The following SLX4IP variants were observed in gnomAD, a reference collection of about 807,000 sequenced individuals.
SLX4IP encodes the protein protein SLX4IP.
In SLX4IP, 34 loss-of-function variants were observed where a neutral mutation model predicts 32.9. That is an observed-to-expected ratio of 1.03 (90% CI 0.79 to 1.38). The LOEUF (loss-of-function observed/expected upper bound fraction) is 1.38, where lower values mean the gene tolerates loss of function less well. Ranked by LOEUF, SLX4IP falls within the 40% of genes most tolerant of loss-of-function variation. The pLI is 0.00. For missense variants in SLX4IP, 444 were observed against 479.0 expected (o/e 0.93, Z 0.68); for synonymous variants, 172 against 171.7 (o/e 1.00, Z -0.01).
chr20:10,446,411 CAAAAAAA>C (rs36181096), intron 1 of SLX4IP, among the ~76,000 whole-genome samples: 198 of 112,412 alleles, frequency 1.8e-3, no homozygotes, highest in African/African-American at 7.2e-3. Flanking sequence ...GACTCTGTCT[CAAAAAAA>C]AAAAAAAAAA....
chr20:10,621,241 T>C, intron 6 of SLX4IP, 73 bp from the exon 7 acceptor site: 1 of 1,319,852 alleles, frequency 7.6e-7, no homozygotes. Flanking sequence ...ATTGGGGCAT[T>C]CAGAGTGTAA....
chr20:10,623,251 T>A lies in SLX4IP; in HGVS notation c.1099T>A (p.Ser367Thr). The A allele has an allele frequency of 6.2e-7, 1 of 1,614,168 alleles. No individual in the cohort carries two copies. Among genetic ancestry groups the A allele is most frequent in the South Asian group, 1.1e-5 (1 of 91,080 alleles). ...EELHVLESLS[S>T]RHLMKNNPGQ... ...GTTGCATGTTTTGGAAAGTCTCTCC[T>A]CCAGACATCTTATGAAAAATAACCC... The change falls in exon 8 of 8, where the codon TCC becomes ACC. Residue 367 changes from serine to threonine, a missense_variant. Coordinates refer to ENST00000334534, the MANE Select transcript of SLX4IP (RefSeq NM_001009608.3).
intron 2 of SLX4IP, among the ~76,000 whole-genome samples, chr20:10,549,754 A>G (rs1184995701): frequency 2.6e-5 from 4 of 152,182 alleles, no homozygotes; most frequent in Non-Finnish European, 5.9e-5. Flanking sequence ...AATGCAAATA[A>G]TCATTGTGCT....
At chr20:10,574,979 CT>C (rs1027143880) in intron 4 of SLX4IP, among the ~76,000 whole-genome samples, 1 of 151,824 alleles carries the variant, frequency 6.6e-6, no homozygotes, top group Non-Finnish European at 1.5e-5. Context: ...GACCGCAAGA[CT>C]TTTTTTTAAT....
chr20:10,523,673 G>A (rs1318358196), intron 2 of SLX4IP, among the ~76,000 whole-genome samples: 1 of 152,226 alleles, frequency 6.6e-6, no homozygotes, highest in African/African-American at 2.4e-5. Context: ...AACACCCAGT[G>A]CTGATTTAAT....
At chr20:10,450,678 C>A (rs2065233840) in intron 1 of SLX4IP, among the ~76,000 whole-genome samples, 1 of 152,164 alleles carries the variant, frequency 6.6e-6, no homozygotes, top group African/African-American at 2.4e-5. Flanking sequence ...AAATTAAAAC[C>A]AAAGGGTACC....
At chr20:10,591,231 C>T (rs1011703234) in intron 4 of SLX4IP, among the ~76,000 whole-genome samples, 1 of 152,222 alleles carries the variant, frequency 6.6e-6, no homozygotes, top group Admixed American at 6.5e-5. Context: ...CATCTTCTCA[C>T]TCAGCATTTT....
intron 6 of SLX4IP, among the ~76,000 whole-genome samples, chr20:10,608,922 C>T (rs1471727773): frequency 3.9e-5 from 6 of 152,016 alleles, no homozygotes; most frequent in South Asian, 4.2e-4. Context: ...CTCCACTTGC[C>T]AGCTCAACTT....
At chr20:10,613,784 C>T (rs2066995083) in intron 6 of SLX4IP, 104 of 1,613,572 alleles carry the variant, frequency 6.4e-5, no homozygotes, top group South Asian at 8.8e-5. Flanking sequence ...GCACAGACTC[C>T]ATGATCTGAT....
Position 10,478,191 on chromosome 20 carries a change from G to T in SLX4IP, c.27+19960G>T, listed in dbSNP as rs555276158. 3.3e-5 allele frequency among the ~76,000 whole-genome samples: 5 copies of T among 152,254 alleles called. No homozygotes were observed. In the East Asian group the frequency reaches 9.6e-4, roughly 29 times the overall value. Reference sequence around the variant, plus strand: ...TCGGATTACAGGTGTGAGCCACCGCGCCCGGCCAAGCTCTCTTTTAAAAGC... The same window carrying T: ...TCGGATTACAGGTGTGAGCCACCGCTCCCGGCCAAGCTCTCTTTTAAAAGC... On this transcript the variant is annotated intron_variant, in intron 2 of 7. Transcript: ENST00000334534.
At chr20:10,558,767 GTTC>G (rs1170984515) in intron 3 of SLX4IP, among the ~76,000 whole-genome samples, 4 of 152,114 alleles carry the variant, frequency 2.6e-5, no homozygotes, top group African/African-American at 9.7e-5. Context: ...ATTTTAACTT[GTTC>G]TTCTTATCTG....
At chr20:10,613,640 A>C (rs2066993428) in intron 6 of SLX4IP, 1 of 1,613,908 alleles carries the variant, frequency 6.2e-7, no homozygotes, top group Non-Finnish European at 8.5e-7. Context: ...CCTCTTCCTG[A>C]GCCCTCCTTT....
intron 4 of SLX4IP, among the ~76,000 whole-genome samples, chr20:10,575,526 C>T (rs2066514214): frequency 6.6e-6 from 1 of 151,990 alleles, no homozygotes; most frequent in African/African-American, 2.4e-5. Context: ...TAATAATAAT[C>T]AGGAAAGCTC....
chr20:10,469,231 C>T (rs2065404482), intron 2 of SLX4IP, among the ~76,000 whole-genome samples: 1 of 152,146 alleles, frequency 6.6e-6, no homozygotes, highest in African/African-American at 2.4e-5. Context: ...AGGGAAGTCA[C>T]TCCAGCTTTG....
In SLX4IP at chr20:10,567,480, A is replaced by G. The variant is rs951935587; in HGVS notation, c.238+6660A>G. On this transcript the variant is annotated intron_variant, in intron 4 of 7. Coordinates refer to ENST00000334534, the MANE Select transcript of SLX4IP (RefSeq NM_001009608.3). ...CAGTGTTCAAGGCACCATCTTGGAA[A>G]CAGAGATCAGACTCTCGCCAGACCT... Among the ~76,000 whole-genome samples, 4 of 152,114 alleles carry G rather than the reference A, an allele frequency of 2.6e-5. No individual in the cohort carries two copies. In the East Asian group the frequency reaches 7.7e-4, roughly 29 times the overall value.
chr20:10,580,824 T>C (rs1255724530), intron 4 of SLX4IP, among the ~76,000 whole-genome samples: 1 of 152,126 alleles, frequency 6.6e-6, no homozygotes, highest in Non-Finnish European at 1.5e-5. Flanking sequence ...TTTTCAAGAT[T>C]AAGAAAGAGT....
At chr20:10,441,577 G>C (rs1258790288) in intron 1 of SLX4IP, among the ~76,000 whole-genome samples, 1 of 152,186 alleles carries the variant, frequency 6.6e-6, no homozygotes, top group Non-Finnish European at 1.5e-5. Context: ...TGAGAGTATA[G>C]AGTAACTAAA....
In SLX4IP at chr20:10,613,944, A is replaced by T. The variant is rs553312004; in HGVS notation, c.406-7370A>T. The T allele has an allele frequency of 1.9e-5, 23 of 1,208,202 alleles. No individual in the cohort carries two copies. The African/African-American group carries it at 3.3e-4, about 17-fold the overall frequency. The allele number at this position is 1,208,202 out of a possible 1,614,324, so 74.8% of individuals were successfully genotyped here. ...ATACGCCTCCCAGTCTTGATCTTGG[A>T]TGAGCACAGGAGAGTCCTCGTCCAC... is the stretch of plus-strand genomic sequence containing the variant. On this transcript the variant is annotated intron_variant, in intron 6 of 7. Coordinates refer to ENST00000334534, the MANE Select transcript of SLX4IP (RefSeq NM_001009608.3).
intron 4 of SLX4IP, 98 bp downstream of exon 4, chr20:10,560,918 A>G: frequency 8.5e-7 from 1 of 1,181,198 alleles, no homozygotes; most frequent in African/African-American, 1.6e-5. Flanking sequence ...ATGTTAGTAT[A>G]GTGATACATT....
Sources: gnomAD v4.1 joint callset for allele counts (sites outside exome capture counted in the v4.1 genomes callset) on GRCh38, gnomAD v4.1.1 for gene constraint, MANE v1.5 for transcripts, NCBI Gene and HGNC (gene_info 2026-07-23, HGNC 2026-07-21) for gene names.